Variants in ANKS1B observed in about 807,000 individuals in gnomAD.
The protein encoded by ANKS1B is ankyrin repeat and sterile alpha motif domain containing 1B.
Under a neutral mutation model 148.3 loss-of-function variants are expected in ANKS1B, and 36 were observed. That is an observed-to-expected ratio of 0.24 (90% CI 0.19 to 0.32). The LOEUF (loss-of-function observed/expected upper bound fraction) is 0.32. Ranked by LOEUF, ANKS1B falls within the 10% of genes least tolerant of loss-of-function variation. The probability of loss-of-function intolerance (pLI) is 1.00; values close to 1 mark genes in which losing one functional copy is unlikely to be tolerated. For synonymous variants in ANKS1B, 542 were observed against 560.8 expected, an observed-to-expected ratio of 0.97 and a Z score of 0.47; for missense variants, 1,157 against 1,542.6, an observed-to-expected ratio of 0.75 and a Z score of 4.19.
chr12:99,297,138 G>T (rs1317711140), intron 12 of ANKS1B, among the ~76,000 whole-genome samples: 1 of 152,088 alleles, frequency 6.6e-6, no homozygotes, highest in African/African-American at 2.4e-5. Flanking sequence ...ACATTACACA[G>T]ATAAAAGGCA....
intron 15 of ANKS1B, among the ~76,000 whole-genome samples, chr12:99,088,645 C>T (rs984075498): frequency 5.3e-5 from 8 of 151,612 alleles, no homozygotes; most frequent in East Asian, 1.9e-4. Flanking sequence ...TGTAGTAGTA[C>T]GGATTCTTAT....
At position 99,857,491 on chromosome 12, in the gene ANKS1B, T is replaced by C. The variant is rs570145303; in HGVS notation, c.135-32102A>G. Among the ~76,000 whole-genome samples, 208 of 152,062 alleles carry C rather than the reference T, an allele frequency of 1.4e-3. 1 individual carries two copies. Among genetic ancestry groups the C allele is most frequent in the South Asian group, 0.01 (50 of 4,818 alleles). On this transcript the variant is annotated intron_variant, in intron 1 of 26. Coordinates refer to ENST00000683438, the MANE Select transcript of ANKS1B (RefSeq NM_001352186.2). ...TAGCAATCTACAAATTCAGTACAAT[T>C]CCCATCAAAATACCACCATCATTCT...
chr12:99,312,573 G>A (rs2083330143), intron 12 of ANKS1B, among the ~76,000 whole-genome samples: 1 of 152,078 alleles, frequency 6.6e-6, no homozygotes, highest in South Asian at 2.1e-4. Flanking sequence ...CCTGTGCCAA[G>A]CAGCTTTCCT....
chr12:98,800,675 G>GATATATATATATATATATATATAT lies in ANKS1B; in HGVS notation c.3270+321_3270+322insATATATATATATATATATATATAT, dbSNP rs3049844. Among the ~76,000 whole-genome samples the GATATATATATATATATATATATAT allele has an allele frequency of 1.3e-3, 125 of 99,658 alleles. 4 individuals carry two copies. Among genetic ancestry groups the GATATATATATATATATATATATAT allele is most frequent in the East Asian group, 7.1e-3 (13 of 1,832 alleles). The allele number at this position is 99,658 out of a possible 152,430, so 65.4% of individuals were successfully genotyped here. A position where few individuals can be genotyped will look rare whatever the true frequency, so the allele number is the denominator to read the frequency against. ...ACCCAGTGTTTGGTGAGTGAGCAGA[G>GATATATATATATATATATATATAT]ATATATATATATATATGCCATATTT... is the stretch of plus-strand genomic sequence containing the variant. On this transcript the variant is annotated intron_variant, in intron 21 of 26. Coordinates refer to ENST00000683438, the MANE Select transcript of ANKS1B (RefSeq NM_001352186.2).
intron 18 of ANKS1B, 193 bp downstream of exon 18, chr12:98,831,836 G>A (rs1177134111): frequency 2.9e-5 from 18 of 613,960 alleles, no homozygotes; most frequent in African/African-American, 5.4e-5. Flanking sequence ...GCAATGCTCC[G>A]CCTTCTGGGT....
intron 14 of ANKS1B, among the ~76,000 whole-genome samples, chr12:99,214,679 T>C (rs2083882691): frequency 6.6e-6 from 1 of 152,188 alleles, no homozygotes; most frequent in African/African-American, 2.4e-5. Flanking sequence ...AAGAGTAAAC[T>C]GGTACCAGTA....
At chr12:99,411,363 C>A (rs186952983) in intron 11 of ANKS1B, among the ~76,000 whole-genome samples, 1 of 152,292 alleles carries the variant, frequency 6.6e-6, no homozygotes, top group African/African-American at 2.4e-5. Flanking sequence ...TACATTCATG[C>A]TGCTGCCAAG....
intron 12 of ANKS1B, among the ~76,000 whole-genome samples, chr12:99,264,914 G>T (rs11612454): frequency 0.32 from 48,473 of 151,910 alleles, 9,244 homozygotes; most frequent in African/African-American, 0.54. Context: ...GTGGCTGGTG[G>T]TGGCCATGTT....
At chr12:98,867,626 T>C (rs1375642739) in intron 17 of ANKS1B, among the ~76,000 whole-genome samples, 2 of 152,178 alleles carry the variant, frequency 1.3e-5, no homozygotes, top group East Asian at 1.9e-4. Context: ...TTTGGGAGGC[T>C]GAGGCGGGCA....
At chr12:99,893,559 A>G (rs928936354) in intron 1 of ANKS1B, among the ~76,000 whole-genome samples, 1 of 152,152 alleles carries the variant, frequency 6.6e-6, no homozygotes, top group Admixed American at 6.5e-5. Flanking sequence ...ATACTAAATT[A>G]CTTGTTTTAT....
intron 8 of ANKS1B, among the ~76,000 whole-genome samples, chr12:99,704,904 T>C (rs2055482729): frequency 6.6e-6 from 1 of 151,988 alleles, no homozygotes; most frequent in Non-Finnish European, 1.5e-5. Flanking sequence ...AATATATTTG[T>C]AAAGGCATAA....
intron 12 of ANKS1B, among the ~76,000 whole-genome samples, chr12:99,298,086 T>A (rs537635098): frequency 6.6e-6 from 1 of 152,324 alleles, no homozygotes; most frequent in South Asian, 2.1e-4. Flanking sequence ...ACTCTGCCTG[T>A]ATCTGTCATC....
At chr12:99,486,539 A>C (rs1314406316) in intron 10 of ANKS1B, among the ~76,000 whole-genome samples, 1 of 151,878 alleles carries the variant, frequency 6.6e-6, no homozygotes, top group African/African-American at 2.4e-5. Context: ...TTCAGGCTTC[A>C]GGCCAATAGG....
At chr12:99,081,287 C>T (rs2049664386) in intron 16 of ANKS1B, among the ~76,000 whole-genome samples, 1 of 152,138 alleles carries the variant, frequency 6.6e-6, no homozygotes, top group African/African-American at 2.4e-5. Context: ...TGTTTAGGAA[C>T]AATCTCACTA....
At chr12:99,253,632 A>T (rs1399767524) in intron 12 of ANKS1B, among the ~76,000 whole-genome samples, 1 of 152,222 alleles carries the variant, frequency 6.6e-6, no homozygotes, top group Non-Finnish European at 1.5e-5. Flanking sequence ...ACTGAATAAA[A>T]CAGAAAGACA....
chr12:99,028,148 A>G (rs1191204580), intron 17 of ANKS1B, among the ~76,000 whole-genome samples: 1 of 152,246 alleles, frequency 6.6e-6, no homozygotes, highest in Non-Finnish European at 1.5e-5. Flanking sequence ...TAAAAAATTA[A>G]TACATGGAAA....
At chr12:99,878,886 A>G (rs2092307811) in intron 1 of ANKS1B, among the ~76,000 whole-genome samples, 1 of 152,110 alleles carries the variant, frequency 6.6e-6, no homozygotes, top group African/African-American at 2.4e-5. Flanking sequence ...GGTACTGATT[A>G]TAATTCCTTG....
intron 4 of ANKS1B, among the ~76,000 whole-genome samples, chr12:99,798,664 A>G (rs1453936806): frequency 1.3e-5 from 2 of 152,058 alleles, no homozygotes; most frequent in African/African-American, 2.4e-5. Context: ...AATAAAGGTT[A>G]TAAGAATGTT....
chr12:98,837,436 G>C (rs1212543866), intron 17 of ANKS1B, among the ~76,000 whole-genome samples: 2 of 152,176 alleles, frequency 1.3e-5, no homozygotes, highest in Admixed American at 6.5e-5. Context: ...TGGGTCAAAG[G>C]CAAGGAGTAT....
Sources: allele counts gnomAD v4.1 joint callset (sites outside exome capture counted in the v4.1 genomes callset), GRCh38; gene constraint gnomAD v4.1.1; transcripts MANE v1.5; gene names NCBI Gene and HGNC (gene_info 2026-07-23, HGNC 2026-07-21).